CELF2: variants seen among roughly 807,000 people sequenced by gnomAD.
CELF2 encodes CUG triplet repeat RNA-binding protein 2.
A neutral mutation model predicts 62.6 loss-of-function variants in CELF2; 8 were observed. The observed-to-expected ratio is 0.13, with a 90% CI of 0.07 to 0.23. CELF2 has a LOEUF of 0.23. Ranked by LOEUF, CELF2 falls within the 10% of genes least tolerant of loss-of-function variation. The probability of loss-of-function intolerance (pLI) is 1.00; values close to 1 mark genes in which losing one functional copy is unlikely to be tolerated. For missense variants in CELF2, 333 were observed against 671.0 expected (o/e 0.50, Z 5.56); for synonymous variants, 258 against 250.0 (o/e 1.03, Z -0.30).
chr10:11,150,731 C>T (rs529167771), intron 1 of CELF2, among the ~76,000 whole-genome samples: 1 of 152,230 alleles, frequency 6.6e-6, no homozygotes, highest in African/African-American at 2.4e-5. Flanking sequence ...CTATGCAACA[C>T]TTAAATTATA....
intron 1 of CELF2, among the ~76,000 whole-genome samples, chr10:10,849,616 G>C (rs1262064088): frequency 6.6e-6 from 1 of 152,036 alleles, no homozygotes; most frequent in Non-Finnish European, 1.5e-5. Flanking sequence ...CTAAAAACAA[G>C]GATATTCCCT....
chr10:11,226,600 CCACACACACACACACACACA>C (rs59521803), intron 3 of CELF2, among the ~76,000 whole-genome samples: 1 of 25,964 alleles, frequency 3.9e-5, no homozygotes, highest in African/African-American at 6.0e-5. Context: ...CAGGCAGTGG[CCACACACACACACACACACA>C]CACACACACA....
rs58567770 is a variant in CELF2 at position 11,148,843 on chromosome 10, A to AACACACAC, written c.75-16619_75-16612dup. ...TGTTATCGATTATTATCTTAAACCA[A>AACACACAC]ACACACACACACACACACACACACA... is the stretch of plus-strand genomic sequence containing the variant. On this transcript the variant is annotated intron_variant, in intron 1 of 12. Coordinates refer to ENST00000633077, the MANE Select transcript of CELF2 (RefSeq NM_001326342.2). 1.6e-3 allele frequency among the ~76,000 whole-genome samples: 229 copies of AACACACAC among 146,912 alleles called. 2 individuals carry two copies. Among genetic ancestry groups the AACACACAC allele is most frequent in the East Asian group, 0.015 (75 of 5,092 alleles).
At chr10:10,663,066 T>C in the CELF2 span, among the ~76,000 whole-genome samples, 2 of 152,222 alleles carry the variant, frequency 1.3e-5, no homozygotes, top group African/African-American at 2.4e-5. Context: ...CATCATACTT[T>C]ATTATTTCCA....
chr10:10,680,333 A>G, the CELF2 span, among the ~76,000 whole-genome samples: 1 of 152,200 alleles, frequency 6.6e-6, no homozygotes, highest in Non-Finnish European at 1.5e-5. Flanking sequence ...GAAACTCACT[A>G]AAGTGCTCAT....
At chr10:10,509,180 G>A in the CELF2 span, among the ~76,000 whole-genome samples, 1 of 150,878 alleles carries the variant, frequency 6.6e-6, no homozygotes, top group Non-Finnish European at 1.5e-5. Context: ...GGTACTGGAA[G>A]GATCATAATG....
the CELF2 span, among the ~76,000 whole-genome samples, chr10:10,540,969 G>A: frequency 3.9e-5 from 6 of 152,090 alleles, no homozygotes; most frequent in African/African-American, 1.4e-4. Context: ...TGGATCACGA[G>A]GTCAGGAGAT....
At chr10:10,795,392 T>C (rs935881329), upstream of CELF2, among the ~76,000 whole-genome samples, 12 of 152,176 alleles carry the variant, frequency 7.9e-5, no homozygotes, top group Middle Eastern at 3.2e-3. Context: ...TTACAATTTA[T>C]AGAGTGACAT....
chr10:10,873,554 C>T (rs1275231187), intron 1 of CELF2, among the ~76,000 whole-genome samples: 1 of 152,210 alleles, frequency 6.6e-6, no homozygotes, highest in Non-Finnish European at 1.5e-5. Context: ...TGATAACAGG[C>T]ACATCAGTGC....
At chr10:10,637,388 T>G in the CELF2 span, among the ~76,000 whole-genome samples, 2 of 152,210 alleles carry the variant, frequency 1.3e-5, no homozygotes, top group African/African-American at 4.8e-5. Flanking sequence ...CACTGCAATT[T>G]GCTCTGCACT....
intron 1 of CELF2, among the ~76,000 whole-genome samples, chr10:11,158,307 C>T (rs1184337171): frequency 6.6e-6 from 1 of 152,172 alleles, no homozygotes; most frequent in African/African-American, 2.4e-5. Flanking sequence ...GGCAGTCACA[C>T]TGAGCTCAGC....
intron 1 of CELF2, among the ~76,000 whole-genome samples, chr10:10,913,998 G>T (rs1051896827): frequency 6.6e-6 from 1 of 150,412 alleles, no homozygotes; most frequent in Admixed American, 6.6e-5. Context: ...GAAGAGAGGG[G>T]AGGGGAAAAA....
chr10:11,121,860 T>C (rs17447909), intron 1 of CELF2, among the ~76,000 whole-genome samples: 15,939 of 152,214 alleles, frequency 0.1, 921 homozygotes, highest in Middle Eastern at 0.2. Context: ...AAAGAAATGC[T>C]CTGATGACAG....
chr10:10,667,264 T>C, the CELF2 span, among the ~76,000 whole-genome samples: 4 of 152,246 alleles, frequency 2.6e-5, no homozygotes, highest in Admixed American at 6.5e-5. Context: ...GGAAAAATGT[T>C]TGGGGTCAAC....
intron 1 of CELF2, among the ~76,000 whole-genome samples, chr10:11,116,533 C>G (rs1307544947): frequency 1.3e-5 from 2 of 152,186 alleles, no homozygotes; most frequent in Non-Finnish European, 2.9e-5. Context: ...GGTCTCAGGT[C>G]TTGAGCGCTA....
the CELF2 span, among the ~76,000 whole-genome samples, chr10:10,462,968 A>C: frequency 6.6e-6 from 1 of 152,060 alleles, no homozygotes; most frequent in Non-Finnish European, 1.5e-5. Flanking sequence ...ACGGGTTTTA[A>C]TAGGTACCTT....
At chr10:10,861,900 TA>T (rs1431096094) in intron 1 of CELF2, among the ~76,000 whole-genome samples, 2 of 152,178 alleles carry the variant, frequency 1.3e-5, no homozygotes, top group African/African-American at 4.8e-5. Context: ...AATAATCTTT[TA>T]AAAACAATAG....
the CELF2 span, among the ~76,000 whole-genome samples, chr10:10,719,337 C>A: frequency 6.6e-6 from 1 of 152,146 alleles, no homozygotes; most frequent in African/African-American, 2.4e-5. Flanking sequence ...TAGCTCACTG[C>A]GGCCTCAAAG....
chr10:10,547,692 A>AGAGAGAGTGTGT, the CELF2 span, among the ~76,000 whole-genome samples: 2,945 of 138,044 alleles, frequency 0.021, 48 homozygotes, highest in Non-Finnish European at 0.032. Flanking sequence ...AGAGAGAGAG[A>AGAGAGAGTGTGT]GTGTGTGTGT....
Sources: gnomAD v4.1 joint callset for allele counts (sites outside exome capture counted in the v4.1 genomes callset) on GRCh38, gnomAD v4.1.1 for gene constraint, MANE v1.5 for transcripts, NCBI Gene and HGNC (gene_info 2026-07-23, HGNC 2026-07-21) for gene names.